ST6GALNAC3: variants seen among roughly 807,000 people sequenced by gnomAD.
The protein encoded by ST6GALNAC3 is alpha-N-acetylgalactosaminide alpha-2,6-sialyltransferase 3.
Under a neutral mutation model 32.7 loss-of-function variants are expected in ST6GALNAC3, and 25 were observed. The ratio of observed to expected loss-of-function variants is 0.76; its 90% CI spans 0.56 to 1.07. ST6GALNAC3 has a LOEUF of 1.07. Among genes scored for constraint, ST6GALNAC3 ranks in the 50% least tolerant of loss-of-function variants. The pLI is 0.00. For missense variants in ST6GALNAC3, 355 were observed against 382.4 expected, an observed-to-expected ratio of 0.93 and a Z score of 0.60; for synonymous variants, 129 against 133.1, an observed-to-expected ratio of 0.97 and a Z score of 0.21.
intron 1 of ST6GALNAC3, among the ~76,000 whole-genome samples, chr1:76,179,359 T>C (rs1374128021): frequency 1.3e-5 from 2 of 152,150 alleles, no homozygotes; most frequent in African/African-American, 4.8e-5. Context: ...CCTTTCTGTT[T>C]TTCACACCCC....
At chr1:76,121,714 T>G (rs113227314) in intron 1 of ST6GALNAC3, among the ~76,000 whole-genome samples, 1 of 151,994 alleles carries the variant, frequency 6.6e-6, no homozygotes, top group Non-Finnish European at 1.5e-5. Context: ...AGACTCCATC[T>G]CAAAAAACAA....
intron 3 of ST6GALNAC3, among the ~76,000 whole-genome samples, chr1:76,624,237 A>G (rs911550957): frequency 3.9e-5 from 6 of 151,980 alleles, no homozygotes; most frequent in Non-Finnish European, 8.8e-5. Context: ...AAAACAAATC[A>G]GGTTAGGTCC....
intron 1 of ST6GALNAC3, among the ~76,000 whole-genome samples, chr1:76,203,688 T>C (rs1570422992): frequency 6.6e-6 from 1 of 152,186 alleles, no homozygotes; most frequent in Admixed American, 6.5e-5. Context: ...TTAAAGTGTA[T>C]AAATTTTTAG....
chr1:76,121,626 G>C (rs1424726951), intron 1 of ST6GALNAC3, among the ~76,000 whole-genome samples: 1 of 152,176 alleles, frequency 6.6e-6, no homozygotes, highest in Non-Finnish European at 1.5e-5. Flanking sequence ...TGTGGCAGGA[G>C]AATGGCATGA....
intron 3 of ST6GALNAC3, among the ~76,000 whole-genome samples, chr1:76,610,382 C>A (rs569319324): frequency 6.6e-6 from 1 of 152,166 alleles, no homozygotes; most frequent in African/African-American, 2.4e-5. Context: ...TGCTTAGAAG[C>A]AATCATTCCT....
chr1:76,189,134 T>C (rs1391161309), intron 1 of ST6GALNAC3, among the ~76,000 whole-genome samples: 1 of 152,188 alleles, frequency 6.6e-6, no homozygotes, highest in African/African-American at 2.4e-5. Flanking sequence ...CTTCTTCCCA[T>C]AGGAGAATGG....
chr1:76,338,097 A>T (rs1647655785), intron 2 of ST6GALNAC3, among the ~76,000 whole-genome samples: 1 of 152,154 alleles, frequency 6.6e-6, no homozygotes, highest in Non-Finnish European at 1.5e-5. Flanking sequence ...GGAGCAGCAT[A>T]CTGAAAATGA....
At chr1:76,361,666 A>G (rs1649948226) in intron 2 of ST6GALNAC3, among the ~76,000 whole-genome samples, 1 of 152,180 alleles carries the variant, frequency 6.6e-6, no homozygotes, top group Non-Finnish European at 1.5e-5. Flanking sequence ...GTATTAGTAC[A>G]TTCTCATACT....
At chr1:76,445,889 T>C (rs912557344) in intron 3 of ST6GALNAC3, among the ~76,000 whole-genome samples, 1 of 152,260 alleles carries the variant, frequency 6.6e-6, no homozygotes, top group East Asian at 1.9e-4. Context: ...ATACTATTTA[T>C]GCCCATGGTT....
At chr1:76,228,038 A>G (rs1033146959) in intron 1 of ST6GALNAC3, among the ~76,000 whole-genome samples, 1 of 152,208 alleles carries the variant, frequency 6.6e-6, no homozygotes, top group African/African-American at 2.4e-5. Context: ...GGTAAACACC[A>G]ATCAGCTACA....
intron 3 of ST6GALNAC3, among the ~76,000 whole-genome samples, chr1:76,459,340 G>A (rs948648447): frequency 3.3e-5 from 5 of 152,106 alleles, no homozygotes; most frequent in East Asian, 1.9e-4. Flanking sequence ...CAAGGCAGGC[G>A]GATCATGAGG....
intron 1 of ST6GALNAC3, among the ~76,000 whole-genome samples, chr1:76,235,933 G>A (rs1656630430): frequency 6.6e-6 from 1 of 151,430 alleles, no homozygotes; most frequent in African/African-American, 2.4e-5. Context: ...TGTTGGGACA[G>A]GGACCCATCC....
intron 1 of ST6GALNAC3, among the ~76,000 whole-genome samples, chr1:76,163,693 G>A (rs543096613): frequency 6.6e-6 from 1 of 152,172 alleles, no homozygotes; most frequent in South Asian, 2.1e-4. Flanking sequence ...CTTAAATTCA[G>A]TGACATTTTA....
chr1:76,240,181 A>G (rs552992281), intron 1 of ST6GALNAC3, among the ~76,000 whole-genome samples: 2 of 152,360 alleles, frequency 1.3e-5, no homozygotes, highest in African/African-American at 4.8e-5. Context: ...AATAAATGGC[A>G]TATATACATA....
At chr1:76,148,884 G>A (rs1486635347) in intron 1 of ST6GALNAC3, among the ~76,000 whole-genome samples, 1 of 152,218 alleles carries the variant, frequency 6.6e-6, no homozygotes, top group Non-Finnish European at 1.5e-5. Flanking sequence ...TTATTTGGGA[G>A]ACAGAAGTAG....
intron 1 of ST6GALNAC3, among the ~76,000 whole-genome samples, chr1:76,098,689 C>T (rs1647173449): frequency 6.6e-6 from 1 of 152,042 alleles, no homozygotes; most frequent in Non-Finnish European, 1.5e-5. Flanking sequence ...ATTTTCCAAT[C>T]ATATGTGTTG....
chr1:76,576,317 G>A (rs986335664), intron 3 of ST6GALNAC3, among the ~76,000 whole-genome samples: 6 of 152,054 alleles, frequency 3.9e-5, no homozygotes, highest in African/African-American at 1.2e-4. Flanking sequence ...GGCACCCGTA[G>A]ACACTGTGGA....
rs146402876 is a variant in ST6GALNAC3 at position 76,091,091 on chromosome 1, G to T, written c.18+16207G>T. ...TCTCTCCTTGTGTGTCATATTTAAG[G>T]CACATGTTCTCTGAAATCAAGAAGC... On this transcript the variant is annotated intron_variant, in intron 1 of 4. Coordinates refer to ENST00000328299, the MANE Select transcript of ST6GALNAC3 (RefSeq NM_152996.4). 1.3e-4 allele frequency among the ~76,000 whole-genome samples: 20 copies of T among 152,240 alleles called. No homozygotes were observed. The East Asian group carries it at 2.5e-3, about 19-fold the overall frequency.
rs567751841 is a variant in ST6GALNAC3 at position 76,431,086 on chromosome 1, C to T, written c.623+18669C>T. On this transcript the variant is annotated intron_variant, in intron 3 of 4. Transcript: ENST00000328299. The stretch of plus-strand genomic sequence containing the variant: ...GCAGAGATCAGCATCACAGCCCTGG[C>T]AGCCCCCTCCTCTTGCTGAGAACAG... Among the ~76,000 whole-genome samples the T allele has an allele frequency of 2.6e-4, 40 of 152,262 alleles. No homozygotes were observed. In the South Asian group the frequency reaches 6.4e-3, roughly 24 times the overall value.
Sources: allele counts gnomAD v4.1 joint callset (sites outside exome capture counted in the v4.1 genomes callset), GRCh38; gene constraint gnomAD v4.1.1; transcripts MANE v1.5; gene names NCBI Gene and HGNC (gene_info 2026-07-23, HGNC 2026-07-21).